Variants in C16orf74 observed in about 807,000 individuals in gnomAD.
The protein encoded by C16orf74 is uncharacterized protein C16orf74.
A neutral mutation model predicts 6.5 loss-of-function variants in C16orf74; 10 were observed. The ratio of observed to expected loss-of-function variants is 1.54; its 90% CI spans 0.95 to 2.61. The LOEUF is 2.61. Among genes scored for constraint, C16orf74 ranks in the 30% most tolerant of loss-of-function variants. The pLI is 0.00. For synonymous variants in C16orf74, 60 were observed against 42.5 expected (o/e 1.41, Z -1.60); for missense variants, 141 against 105.9 (o/e 1.33, Z -1.45).
At chr16:85,714,805 C>T (rs2054006194) in intron 2 of C16orf74, among the ~76,000 whole-genome samples, 1 of 151,896 alleles carries the variant, frequency 6.6e-6, no homozygotes, top group Admixed American at 6.6e-5. Context: ...CTCAGCGGCA[C>T]CCACACAGTC....
chr16:85,710,425 T>A (rs1167165214), intron 2 of C16orf74, 118 bp from the exon 3 acceptor site: 5 of 981,240 alleles, frequency 5.1e-6, no homozygotes, highest in Non-Finnish European at 7.1e-6. Context: ...TCCTGACGCC[T>A]CGCAGCAAGG....
At chr16:85,744,880 G>A (rs1351304884) in intron 1 of C16orf74, among the ~76,000 whole-genome samples, 1 of 147,198 alleles carries the variant, frequency 6.8e-6, no homozygotes, top group East Asian at 2.0e-4. Flanking sequence ...AGTGGTTTAC[G>A]CCTGTAATAC....
chr16:85,734,747 C>T (rs2054225910), intron 2 of C16orf74, among the ~76,000 whole-genome samples: 1 of 152,244 alleles, frequency 6.6e-6, no homozygotes, highest in South Asian at 2.1e-4. Flanking sequence ...CAACACCCTT[C>T]AGTGGTTTTG....
rs1483756474 is a variant in C16orf74 at position 85,712,385 on chromosome 16, ACAGT to A, written c.29-2082_29-2079del. Among the ~76,000 whole-genome samples, 4 of 152,238 alleles carry A rather than the reference ACAGT, an allele frequency of 2.6e-5. 1 individual carries two copies. The highest frequency in any genetic ancestry group is 1.3e-4 in the Admixed American group (2 of 15,284). On this transcript the variant is annotated intron_variant, in intron 2 of 3. Transcript: ENST00000284245. ...TTTGTTATGCAGTGATAGATTACTG[ACAGT>A]CAGCAAATCTTTCCCTGACCCAGTA...
At chr16:85,713,461 C>T (rs1451565374) in intron 2 of C16orf74, among the ~76,000 whole-genome samples, 1 of 152,180 alleles carries the variant, frequency 6.6e-6, no homozygotes, top group Non-Finnish European at 1.5e-5. Context: ...TTAGTAGAGA[C>T]AGGGTCTCAC....
At chr16:85,750,360 CT>C (rs2054423578) in intron 1 of C16orf74, among the ~76,000 whole-genome samples, 1 of 152,020 alleles carries the variant, frequency 6.6e-6, no homozygotes. Flanking sequence ...GAGACCTCCC[CT>C]AGTTCCGCTC....
At chr16:85,715,683 A>T (rs575376870) in intron 2 of C16orf74, among the ~76,000 whole-genome samples, 6 of 152,218 alleles carry the variant, frequency 3.9e-5, no homozygotes, top group Non-Finnish European at 7.3e-5. Flanking sequence ...TTCTAAAAGC[A>T]GGCATCAGGC....
chr16:85,729,925 C>A (rs374764036), intron 2 of C16orf74, among the ~76,000 whole-genome samples: 1 of 152,128 alleles, frequency 6.6e-6, no homozygotes, highest in Non-Finnish European at 1.5e-5. Context: ...AGCCCCCCAG[C>A]GTGGTCATTT....
intron 2 of C16orf74, among the ~76,000 whole-genome samples, chr16:85,714,936 C>A (rs1481981246): frequency 2.0e-5 from 3 of 151,270 alleles, no homozygotes; most frequent in Admixed American, 6.6e-5. Context: ...GCGGGCGGAT[C>A]ATGAGGTCAG....
At chr16:85,724,284 G>A (rs947835810) in intron 2 of C16orf74, among the ~76,000 whole-genome samples, 1 of 152,178 alleles carries the variant, frequency 6.6e-6, no homozygotes, top group East Asian at 1.9e-4. Context: ...CTGTCTCCCT[G>A]GAGGCTCATT....
intron 1 of C16orf74, among the ~76,000 whole-genome samples, chr16:85,741,189 A>G (rs1434665644): frequency 2.6e-5 from 4 of 152,154 alleles, no homozygotes. Context: ...CATGTGCGTC[A>G]GATCGCGTTT....
intron 2 of C16orf74, among the ~76,000 whole-genome samples, chr16:85,731,412 G>C (rs1462582695): frequency 6.6e-6 from 1 of 152,240 alleles, no homozygotes; most frequent in African/African-American, 2.4e-5. Flanking sequence ...TGAACCCAGG[G>C]AGGCCTGGAG....
intron 1 of C16orf74, among the ~76,000 whole-genome samples, chr16:85,736,720 G>C (rs974030961): frequency 6.6e-6 from 1 of 152,186 alleles, no homozygotes; most frequent in Non-Finnish European, 1.5e-5. Flanking sequence ...ATGTGATCAC[G>C]GATAGTTTAT....
intron 1 of C16orf74, among the ~76,000 whole-genome samples, chr16:85,738,472 G>T (rs1017461282): frequency 6.7e-6 from 1 of 150,208 alleles, no homozygotes; most frequent in African/African-American, 2.5e-5. Context: ...CTACAGGCGT[G>T]CACCATGACA....
At chr16:85,749,898 C>G (rs1454429433) in intron 1 of C16orf74, among the ~76,000 whole-genome samples, 1 of 152,192 alleles carries the variant, frequency 6.6e-6, no homozygotes, top group Non-Finnish European at 1.5e-5. Flanking sequence ...TAAGTGTTTC[C>G]ATAAATACAC....
Position 85,741,294 on chromosome 16 carries a change from C to G in C16orf74, c.-18-6059G>C, listed in dbSNP as rs182057019. On this transcript the variant is annotated intron_variant, in intron 1 of 3. Coordinates refer to ENST00000284245, the MANE Select transcript of C16orf74 (RefSeq NM_206967.3). The stretch of plus-strand genomic sequence containing the variant: ...CTGTATTATGCCGTGCCAGGCAGCA[C>G]CACCTCCCTGAAGAGGTGTCTGGAA... 7.9e-5 allele frequency among the ~76,000 whole-genome samples: 12 copies of G among 152,320 alleles called. No homozygotes were observed. In the East Asian group the frequency reaches 2.3e-3, roughly 29 times the overall value.
chr16:85,731,853 G>C (rs1306920977), intron 2 of C16orf74, among the ~76,000 whole-genome samples: 2 of 152,118 alleles, frequency 1.3e-5, no homozygotes, highest in East Asian at 3.9e-4. Flanking sequence ...ACCATTCCCT[G>C]ATAATTTTTG....
intron 1 of C16orf74, among the ~76,000 whole-genome samples, chr16:85,750,375 C>G (rs570206115): frequency 6.6e-6 from 1 of 151,568 alleles, no homozygotes; most frequent in African/African-American, 2.4e-5. Flanking sequence ...TCCGCTCGAG[C>G]GCAGCCAGCC....
At chr16:85,721,978 CTTTTTTTTTTTT>C (rs146218477) in intron 2 of C16orf74, among the ~76,000 whole-genome samples, 1 of 91,124 alleles carries the variant, frequency 1.1e-5, no homozygotes, top group Admixed American at 1.4e-4. Flanking sequence ...AGATTCTAAC[CTTTTTTTTTTTT>C]TTTTTTTTTT....
Sources: allele counts gnomAD v4.1 joint callset (sites outside exome capture counted in the v4.1 genomes callset), GRCh38; gene constraint gnomAD v4.1.1; transcripts MANE v1.5; gene names NCBI Gene and HGNC (gene_info 2026-07-23, HGNC 2026-07-21).